Variants in CLIC5 observed in about 807,000 individuals in gnomAD.
CLIC5 encodes the protein chloride intracellular channel protein 5.
Under a neutral mutation model 24.7 loss-of-function variants are expected in CLIC5, and 20 were observed. The observed-to-expected ratio is 0.81, with a 90% CI of 0.57 to 1.18. CLIC5 has a LOEUF of 1.18. Among genes scored for constraint, CLIC5 ranks in the 50% most tolerant of loss-of-function variants. The pLI is 0.00. For synonymous variants in CLIC5, 159 were observed against 135.6 expected, an observed-to-expected ratio of 1.17 and a Z score of -1.20; for missense variants, 341 against 326.1, an observed-to-expected ratio of 1.05 and a Z score of -0.35.
intron 1 of CLIC5, among the ~76,000 whole-genome samples, chr6:46,060,944 C>T (rs1762246402): frequency 6.6e-6 from 1 of 152,154 alleles, no homozygotes; most frequent in Non-Finnish European, 1.5e-5. Context: ...AAGAACGAAC[C>T]CCCAACTTGG....
At chr6:46,078,695 G>T (rs559729005) in intron 1 of CLIC5, among the ~76,000 whole-genome samples, 53 of 152,312 alleles carry the variant, frequency 3.5e-4, no homozygotes, top group Non-Finnish European at 6.5e-4. Flanking sequence ...TGGTATGTAT[G>T]TGTGAACCAA....
At chr6:45,930,716 T>TAGC (rs1033265875) in intron 4 of CLIC5, among the ~76,000 whole-genome samples, 6 of 152,162 alleles carry the variant, frequency 3.9e-5, no homozygotes, top group African/African-American at 1.4e-4. Flanking sequence ...GTGAAATTAA[T>TAGC]AGCAGCAGCA....
At chr6:45,888,708 G>T (rs942112496) in intron 6 of CLIC5, among the ~76,000 whole-genome samples, 2 of 152,070 alleles carry the variant, frequency 1.3e-5, no homozygotes, top group African/African-American at 4.8e-5. Context: ...CATGTAAAAA[G>T]GTATACAGAG....
exon 1 of CLIC5, chr6:46,080,317 G>T: frequency 1.6e-6 from 2 of 1,266,996 alleles, no homozygotes; most frequent in African/African-American, 3.0e-5. Context: ...AGAGGATGCT[G>T]CACCACCTTG....
chr6:46,103,666 G>A, the CLIC5 span, among the ~76,000 whole-genome samples: 1 of 152,088 alleles, frequency 6.6e-6, no homozygotes, highest in Non-Finnish European at 1.5e-5. Flanking sequence ...ATTGGAGGGT[G>A]GGGTAGTCAC....
At chr6:46,016,241 G>A (rs1767006050), upstream of CLIC5, among the ~76,000 whole-genome samples, 1 of 151,904 alleles carries the variant, frequency 6.6e-6, no homozygotes, top group African/African-American at 2.4e-5. Context: ...AAGGAAGAGA[G>A]GAGATGGCTC....
chr6:46,068,621 C>G (rs1762507197), intron 1 of CLIC5, among the ~76,000 whole-genome samples: 1 of 151,978 alleles, frequency 6.6e-6, no homozygotes, highest in Admixed American at 6.6e-5. Context: ...AATCCTAAAC[C>G]CTTGGAATGT....
intron 1 of CLIC5, among the ~76,000 whole-genome samples, chr6:46,070,624 T>C (rs1310954975): frequency 6.6e-6 from 1 of 152,098 alleles, no homozygotes; most frequent in Non-Finnish European, 1.5e-5. Flanking sequence ...GGAGAATCAA[T>C]ATCATTAAAA....
chr6:46,041,803 T>G (rs890055579), intron 1 of CLIC5, among the ~76,000 whole-genome samples: 3 of 152,202 alleles, frequency 2.0e-5, no homozygotes, highest in Non-Finnish European at 4.4e-5. Context: ...TGTTGGGTGG[T>G]TGCAAAGATT....
intron 4 of CLIC5, among the ~76,000 whole-genome samples, chr6:45,917,001 C>T (rs143486790): frequency 1.4e-4 from 22 of 152,276 alleles, no homozygotes; most frequent in African/African-American, 1.4e-4. Context: ...ATCTCAAGGC[C>T]GCCCAGGGTG....
the CLIC5 span, among the ~76,000 whole-genome samples, chr6:46,125,358 T>C: frequency 1.3e-5 from 2 of 151,956 alleles, no homozygotes. Context: ...TTCTCACTCA[T>C]AGGTGGGAAT....
the CLIC5 span, among the ~76,000 whole-genome samples, chr6:46,107,748 T>A: frequency 2.0e-5 from 3 of 152,084 alleles, no homozygotes; most frequent in African/African-American, 7.2e-5. Flanking sequence ...AGATAAAACT[T>A]AATGGGGCTG....
chr6:46,018,112 G>A (rs375232197), upstream of CLIC5, among the ~76,000 whole-genome samples: 9 of 152,288 alleles, frequency 5.9e-5, no homozygotes, highest in East Asian at 1.2e-3. Context: ...TGGTGCCTTC[G>A]CTGCATGATG....
chr6:45,981,042 C>T (rs772009491), intron 1 of CLIC5, among the ~76,000 whole-genome samples: 14 of 150,800 alleles, frequency 9.3e-5, no homozygotes, highest in African/African-American at 3.4e-4. Context: ...GTGATCTCGG[C>T]TCACTGCAGC....
intron 1 of CLIC5, among the ~76,000 whole-genome samples, chr6:46,035,141 C>T (rs78732356): frequency 0.01 from 1,555 of 152,218 alleles, 29 homozygotes; most frequent in African/African-American, 0.035. Context: ...AAAAGGAGAT[C>T]GGGAAGTTTA....
In CLIC5 at chr6:46,037,251, T is replaced by C. The variant is rs149952764; in HGVS notation, c.540+42452A>G. On this transcript the variant is annotated intron_variant, in intron 1 of 5. Coordinates refer to the CLIC5 transcript ENST00000185206. ...TCCAAACCTTGATTTGGTTCCAAAA[T>C]CAAAATTACAATCTTTTGGTCACAA... Among the ~76,000 whole-genome samples, 440 of 152,280 alleles carry C rather than the reference T, an allele frequency of 2.9e-3. 1 individual carries two copies. The highest frequency in any genetic ancestry group is 9.3e-3 in the African/African-American group (387 of 41,566).
chr6:46,047,416 G>A (rs1316090185), intron 1 of CLIC5, among the ~76,000 whole-genome samples: 1 of 152,168 alleles, frequency 6.6e-6, no homozygotes, highest in African/African-American at 2.4e-5. Flanking sequence ...ATCAGCACCA[G>A]AAATATGCAG....
intron 1 of CLIC5, among the ~76,000 whole-genome samples, chr6:46,071,601 G>A (rs1762598975): frequency 6.6e-6 from 1 of 152,150 alleles, no homozygotes; most frequent in Non-Finnish European, 1.5e-5. Flanking sequence ...TGGCAAAGTT[G>A]CAGAGATTAA....
intron 1 of CLIC5, among the ~76,000 whole-genome samples, chr6:46,061,438 G>T (rs947308794): frequency 6.6e-6 from 1 of 152,186 alleles, no homozygotes; most frequent in Non-Finnish European, 1.5e-5. Context: ...TGAGCTGCCC[G>T]CCTTGGCCTG....
Sources: gnomAD v4.1 joint callset for allele counts (sites outside exome capture counted in the v4.1 genomes callset) on GRCh38, gnomAD v4.1.1 for gene constraint, MANE v1.5 for transcripts, NCBI Gene and HGNC (gene_info 2026-07-23, HGNC 2026-07-21) for gene names.